Variants in TBC1D22A observed in about 807,000 individuals in gnomAD.
The protein encoded by TBC1D22A is TBC1 domain family member 22A.
Under a neutral mutation model 60.2 loss-of-function variants are expected in TBC1D22A, and 38 were observed. That is an observed-to-expected ratio of 0.63 (90% CI 0.49 to 0.83). TBC1D22A has a LOEUF of 0.83. Among genes scored for constraint, TBC1D22A ranks in the 40% least tolerant of loss-of-function variants. The pLI is 0.00. For synonymous variants in TBC1D22A, 302 were observed against 281.7 expected, an observed-to-expected ratio of 1.07 and a Z score of -0.72; for missense variants, 628 against 701.0, an observed-to-expected ratio of 0.90 and a Z score of 1.18.
At chr22:46,844,837 A>C (rs1402308184) in intron 4 of TBC1D22A, among the ~76,000 whole-genome samples, 2 of 152,086 alleles carry the variant, frequency 1.3e-5, no homozygotes, top group African/African-American at 4.8e-5. Context: ...CTGGGCTCTT[A>C]AGTGGAGAGT....
chr22:46,812,347 G>T (rs2085414192), intron 4 of TBC1D22A, among the ~76,000 whole-genome samples: 1 of 152,160 alleles, frequency 6.6e-6, no homozygotes, highest in Non-Finnish European at 1.5e-5. Flanking sequence ...GGCACAGCAG[G>T]CACAAGGATA....
At chr22:46,861,637 C>A (rs1233137378) in intron 4 of TBC1D22A, among the ~76,000 whole-genome samples, 1 of 152,244 alleles carries the variant, frequency 6.6e-6, no homozygotes, top group Non-Finnish European at 1.5e-5. Flanking sequence ...GTTCTACTGG[C>A]CAGAATTGCG....
chr22:47,097,818 G>T (rs531130391), intron 11 of TBC1D22A, among the ~76,000 whole-genome samples: 2 of 151,968 alleles, frequency 1.3e-5, no homozygotes, highest in African/African-American at 4.8e-5. Flanking sequence ...GTGTTCTTCT[G>T]TCCCTCTCAC....
At position 47,000,073 on chromosome 22, in the gene TBC1D22A, A is replaced by G. The variant is rs544772624; in HGVS notation, c.1201+2364A>G. ...CTCTTTTCTGCGTTTTAGGAGAAGG[A>G]CAGCATTTATTTCAGAAAATTTTGA... On this transcript the variant is annotated intron_variant, in intron 10 of 12. Coordinates refer to ENST00000337137, the MANE Select transcript of TBC1D22A (RefSeq NM_014346.5). Among the ~76,000 whole-genome samples the G allele has an allele frequency of 3.0e-4, 45 of 152,352 alleles. No individual in the cohort carries two copies. In the South Asian group the frequency reaches 6.0e-3, roughly 20 times the overall value.
intron 12 of TBC1D22A, among the ~76,000 whole-genome samples, chr22:47,112,547 G>A (rs2065889782): frequency 6.6e-6 from 1 of 152,198 alleles, no homozygotes; most frequent in African/African-American, 2.4e-5. Context: ...AGGGCCTTGG[G>A]AGGAGCCAGG....
chr22:47,158,352 A>C (rs1224509707), intron 12 of TBC1D22A, among the ~76,000 whole-genome samples: 1 of 152,214 alleles, frequency 6.6e-6, no homozygotes, highest in African/African-American at 2.4e-5. Flanking sequence ...GTTCTTTAGC[A>C]CTGTCATTCG....
intron 8 of TBC1D22A, among the ~76,000 whole-genome samples, chr22:46,919,222 C>T (rs1332618979): frequency 6.6e-6 from 1 of 152,202 alleles, no homozygotes; most frequent in Admixed American, 6.5e-5. Flanking sequence ...TGTGGATTTG[C>T]TTCTTCTGGA....
chr22:47,163,703 G>T (rs1243660415), intron 12 of TBC1D22A, among the ~76,000 whole-genome samples: 1 of 152,208 alleles, frequency 6.6e-6, no homozygotes, highest in African/African-American at 2.4e-5. Context: ...CCTCTGAGGG[G>T]TGGGCACAGC....
chr22:47,154,982 G>A (rs1481503998), intron 12 of TBC1D22A, among the ~76,000 whole-genome samples: 10 of 152,212 alleles, frequency 6.6e-5, no homozygotes. Context: ...GGCATCTCCA[G>A]GGATGACGTG....
intron 3 of TBC1D22A, among the ~76,000 whole-genome samples, chr22:46,796,817 C>G (rs2084674378): frequency 6.6e-6 from 1 of 152,172 alleles, no homozygotes; most frequent in African/African-American, 2.4e-5. Context: ...AGGTGCCATC[C>G]CTCACCTGTC....
intron 12 of TBC1D22A, among the ~76,000 whole-genome samples, chr22:47,115,671 G>C (rs757466447): frequency 2.0e-5 from 3 of 152,176 alleles, no homozygotes; most frequent in African/African-American, 4.8e-5. Context: ...GGGATCCGCT[G>C]TCCCCTCTGT....
chr22:46,867,630 G>A (rs891084996), intron 4 of TBC1D22A, among the ~76,000 whole-genome samples: 6 of 152,288 alleles, frequency 3.9e-5, no homozygotes, highest in African/African-American at 1.4e-4. Context: ...AGCCAAAATG[G>A]TTTTGAGTCC....
intron 10 of TBC1D22A, among the ~76,000 whole-genome samples, chr22:47,025,896 T>G (rs1050435761): frequency 6.6e-6 from 1 of 152,116 alleles, no homozygotes; most frequent in Non-Finnish European, 1.5e-5. Flanking sequence ...GGGAAACGTA[T>G]AGTGCTGAGT....
At chr22:46,782,733 A>G (rs556017693) in intron 1 of TBC1D22A, among the ~76,000 whole-genome samples, 90 of 152,268 alleles carry the variant, frequency 5.9e-4, no homozygotes, top group African/African-American at 1.9e-3. Flanking sequence ...GGAATCATAC[A>G]GTATGCGGCC....
chr22:47,083,272 C>A (rs1005411748), intron 11 of TBC1D22A, among the ~76,000 whole-genome samples: 1 of 151,830 alleles, frequency 6.6e-6, no homozygotes, highest in Non-Finnish European at 1.5e-5. Context: ...TTGCTTAGAT[C>A]TCTGTGTTTT....
At chr22:47,097,667 G>C (rs559589579) in intron 11 of TBC1D22A, among the ~76,000 whole-genome samples, 2 of 152,256 alleles carry the variant, frequency 1.3e-5, no homozygotes, top group South Asian at 4.1e-4. Flanking sequence ...TTAAAAGGAA[G>C]ATAATTGACA....
chr22:46,794,011 G>T (rs549736676), intron 3 of TBC1D22A, among the ~76,000 whole-genome samples, 170 bp downstream of exon 3: 1 of 152,190 alleles, frequency 6.6e-6, no homozygotes, highest in Non-Finnish European at 1.5e-5. Flanking sequence ...AGTGGCCTGC[G>T]CTCTTTCCTA....
rs1262375525 is a variant in TBC1D22A at position 47,112,046 on chromosome 22, A to G, written c.1425+443A>G. Among the ~76,000 whole-genome samples, 3 of 152,188 alleles carry G rather than the reference A, an allele frequency of 2.0e-5. No homozygotes were observed. In the East Asian group the frequency reaches 5.8e-4, roughly 29 times the overall value. On this transcript the variant is annotated intron_variant, in intron 12 of 12. Coordinates refer to ENST00000337137, the MANE Select transcript of TBC1D22A (RefSeq NM_014346.5). Reference sequence around the variant, plus strand: ...CTGGAAGCTCTGTGACTGGGGGCACATTGTTCAGCCTCACTAAGCTAGTCC... The same window carrying G: ...CTGGAAGCTCTGTGACTGGGGGCACGTTGTTCAGCCTCACTAAGCTAGTCC...
chr22:47,061,982 G>A (rs2063592643), intron 11 of TBC1D22A, among the ~76,000 whole-genome samples: 2 of 151,258 alleles, frequency 1.3e-5, no homozygotes, highest in African/African-American at 2.4e-5. Flanking sequence ...CAGCTACTCC[G>A]GAGGCTGAGG....
Sources: gnomAD v4.1 joint callset for allele counts (sites outside exome capture counted in the v4.1 genomes callset) on GRCh38, gnomAD v4.1.1 for gene constraint, MANE v1.5 for transcripts, NCBI Gene and HGNC (gene_info 2026-07-23, HGNC 2026-07-21) for gene names.